The following FSHR variants were observed in gnomAD, a reference collection of about 807,000 sequenced individuals.
The protein encoded by FSHR is follicle stimulating hormone receptor.
In FSHR, 46 loss-of-function variants were observed where a neutral mutation model predicts 52.1. The ratio of observed to expected loss-of-function variants is 0.88; its 90% CI spans 0.70 to 1.13. FSHR has a LOEUF of 1.13. Among genes scored for constraint, FSHR ranks in the 50% most tolerant of loss-of-function variants. The probability of loss-of-function intolerance (pLI) is 0.00; values close to 1 mark genes in which losing one functional copy is unlikely to be tolerated. For synonymous variants in FSHR, 399 were observed against 309.6 expected (o/e 1.29, Z -3.03); for missense variants, 964 against 834.6 (o/e 1.16, Z -1.91).
intron 1 of FSHR, among the ~76,000 whole-genome samples, chr2:49,085,984 G>A (rs1227429111): frequency 6.6e-6 from 1 of 151,676 alleles, no homozygotes; most frequent in Non-Finnish European, 1.5e-5. Flanking sequence ...GAGTGGGGAG[G>A]GATAGCATTA....
At chr2:49,112,798 A>G (rs1671467633) in intron 1 of FSHR, among the ~76,000 whole-genome samples, 1 of 152,190 alleles carries the variant, frequency 6.6e-6, no homozygotes, top group African/African-American at 2.4e-5. Context: ...TGCTTTATTA[A>G]GTTTTTAAGT....
At chr2:48,965,918 G>A (rs1177265117) in intron 9 of FSHR, among the ~76,000 whole-genome samples, 2 of 152,192 alleles carry the variant, frequency 1.3e-5, no homozygotes, top group East Asian at 1.9e-4. Context: ...AAGGAGTTGG[G>A]AATTCAGTTT....
intron 4 of FSHR, among the ~76,000 whole-genome samples, chr2:49,002,652 C>T (rs1451436649): frequency 6.6e-6 from 1 of 152,060 alleles, no homozygotes; most frequent in African/African-American, 2.4e-5. Flanking sequence ...ATGGGGGTAG[C>T]AGCCCCCATG....
chr2:49,087,803 G>A (rs573426183), intron 1 of FSHR, among the ~76,000 whole-genome samples: 4 of 152,112 alleles, frequency 2.6e-5, no homozygotes, highest in Non-Finnish European at 5.9e-5. Flanking sequence ...GAACATCTAC[G>A]TGACACACAT....
intron 2 of FSHR, among the ~76,000 whole-genome samples, chr2:49,034,513 C>T (rs1292414424): frequency 1.3e-5 from 2 of 152,124 alleles, no homozygotes; most frequent in African/African-American, 4.8e-5. Context: ...CTGGAAAAGA[C>T]CCTTTAGTTC....
chr2:49,023,193 T>C (rs1050800542), intron 2 of FSHR, among the ~76,000 whole-genome samples: 1 of 152,314 alleles, frequency 6.6e-6, no homozygotes, highest in Admixed American at 6.5e-5. Flanking sequence ...TTTCCTATTG[T>C]CTAGCTTCTC....
intron 1 of FSHR, among the ~76,000 whole-genome samples, chr2:49,105,632 C>A (rs1671194167): frequency 6.6e-6 from 1 of 152,160 alleles, no homozygotes; most frequent in South Asian, 2.1e-4. Context: ...GCCCTGTTGG[C>A]TCTCATTTCC....
chr2:48,964,726 A>G (rs1198515467), intron 9 of FSHR, among the ~76,000 whole-genome samples: 2 of 152,184 alleles, frequency 1.3e-5, no homozygotes, highest in African/African-American at 4.8e-5. Flanking sequence ...TGGGCAGCCT[A>G]GCTCTCCTTG....
At chr2:49,011,942 G>A (rs1329798607) in intron 4 of FSHR, among the ~76,000 whole-genome samples, 2 of 152,116 alleles carry the variant, frequency 1.3e-5, no homozygotes, top group African/African-American at 4.8e-5. Flanking sequence ...TTAGCTGAGG[G>A]TTGGGAAAGA....
At chr2:49,121,685 C>T (rs773333833) in intron 1 of FSHR, among the ~76,000 whole-genome samples, 3 of 152,176 alleles carry the variant, frequency 2.0e-5, no homozygotes, top group Non-Finnish European at 2.9e-5. Context: ...GACAGCAGCT[C>T]AAGGAAGAGC....
rs954002211 is a variant in FSHR, at chr2:48,968,115, T to C, written c.854+583A>G. Among the ~76,000 whole-genome samples the C allele has an allele frequency of 2.0e-5, 3 of 152,200 alleles. No individual in the cohort carries two copies. In the South Asian group the frequency reaches 6.2e-4, roughly 32 times the overall value. On this transcript the variant is annotated intron_variant, in intron 9 of 9. Transcript: ENST00000406846. Reference sequence around the variant, plus strand: ...GTTAGCTACTAAGACTTGTCTCTGTTTAGATGGCCCTCTTTAAGTCTGGGC... The same window carrying C: ...GTTAGCTACTAAGACTTGTCTCTGTCTAGATGGCCCTCTTTAAGTCTGGGC...
chr2:49,024,822 T>C (rs372945996), intron 2 of FSHR, among the ~76,000 whole-genome samples: 1 of 152,196 alleles, frequency 6.6e-6, no homozygotes, highest in Non-Finnish European at 1.5e-5. Context: ...TTTTCTTTTG[T>C]TGTTAATAAG....
chr2:49,104,455 T>G (rs561285609), intron 1 of FSHR, among the ~76,000 whole-genome samples: 1 of 152,208 alleles, frequency 6.6e-6, no homozygotes, highest in Admixed American at 6.5e-5. Flanking sequence ...CCATTCTGTT[T>G]CCTTTCTGTT....
intron 1 of FSHR, among the ~76,000 whole-genome samples, chr2:49,153,424 GAAAAC>G (rs70946851): frequency 0.29 from 43,509 of 151,400 alleles, 6,469 homozygotes; most frequent in East Asian, 0.47. Flanking sequence ...AGTGGGTTGG[GAAAAC>G]AAAACAAAAC....
intron 1 of FSHR, among the ~76,000 whole-genome samples, chr2:49,146,509 A>G (rs1221645289): frequency 6.6e-6 from 1 of 152,030 alleles, no homozygotes; most frequent in Non-Finnish European, 1.5e-5. Flanking sequence ...TATCAAGAGA[A>G]AGAGATGTTT....
intron 1 of FSHR, among the ~76,000 whole-genome samples, chr2:49,092,124 T>C (rs552519666): frequency 2.0e-5 from 3 of 152,346 alleles, no homozygotes; most frequent in African/African-American, 7.2e-5. Flanking sequence ...TTTCAATTTT[T>C]TGAGCAACTG....
intron 4 of FSHR, among the ~76,000 whole-genome samples, chr2:49,005,407 T>C (rs1029873340): frequency 2.0e-5 from 3 of 152,108 alleles, no homozygotes; most frequent in African/African-American, 7.2e-5. Flanking sequence ...CAATTGTAAA[T>C]CTCGATTGTG....
chr2:49,042,169 C>T (rs182702462), intron 2 of FSHR, among the ~76,000 whole-genome samples: 2 of 152,270 alleles, frequency 1.3e-5, no homozygotes. Flanking sequence ...AAGGAAAGTA[C>T]ACATTCTTCC....
At chr2:49,120,225 C>G (rs1211865127) in intron 1 of FSHR, among the ~76,000 whole-genome samples, 4 of 152,150 alleles carry the variant, frequency 2.6e-5, no homozygotes, top group African/African-American at 9.7e-5. Flanking sequence ...GAGCTGAGAT[C>G]ATGCCACTGC....
Sources: allele counts gnomAD v4.1 joint callset (sites outside exome capture counted in the v4.1 genomes callset), GRCh38; gene constraint gnomAD v4.1.1; transcripts MANE v1.5; gene names NCBI Gene and HGNC (gene_info 2026-07-23, HGNC 2026-07-21).